Variants in R3HDM1 observed in about 807,000 individuals in gnomAD.
The protein encoded by R3HDM1 is R3H domain-containing protein 1.
Under a neutral mutation model 141.1 loss-of-function variants are expected in R3HDM1, and 46 were observed. The observed-to-expected ratio is 0.33, with a 90% CI of 0.26 to 0.42. R3HDM1 has a LOEUF of 0.42. Ranked by LOEUF, R3HDM1 falls within the 10% of genes least tolerant of loss-of-function variation. The pLI is 1.00. For missense variants in R3HDM1, 1,184 were observed against 1,368.3 expected (o/e 0.87, Z 2.12); for synonymous variants, 435 against 472.9 (o/e 0.92, Z 1.04).
intron 1 of R3HDM1, among the ~76,000 whole-genome samples, chr2:135,537,761 A>T (rs374513935): frequency 1.3e-5 from 2 of 151,782 alleles, no homozygotes; most frequent in African/African-American, 4.8e-5. Flanking sequence ...AGCTCAAGCA[A>T]TTCTCCTGCC....
Position 135,701,760 on chromosome 2 carries a change from A to T in R3HDM1, c.2460-7673A>T, listed in dbSNP as rs184043321. ...GCTACTCATAATGACATGCAATTTA[A>T]AACTTATAAAGTGTTTATTTCTGGC... On this transcript the variant is annotated intron_variant, in intron 21 of 26. Coordinates refer to ENST00000683871, the MANE Select transcript of R3HDM1 (RefSeq NM_001378107.1). Among the ~76,000 whole-genome samples the T allele has an allele frequency of 1.2e-4, 18 of 152,320 alleles. No homozygotes were observed. In the East Asian group the frequency reaches 3.5e-3, roughly 29 times the overall value.
intron 21 of R3HDM1, among the ~76,000 whole-genome samples, chr2:135,685,945 G>C (rs1414437522): frequency 6.6e-6 from 1 of 152,056 alleles, no homozygotes; most frequent in South Asian, 2.1e-4. Flanking sequence ...AAATTTGCCA[G>C]CTGTATATCT....
At chr2:135,675,513 G>C in intron 20 of R3HDM1, 27 bp downstream of exon 20, 3 of 1,574,618 alleles carry the variant, frequency 1.9e-6, no homozygotes, top group Non-Finnish European at 2.6e-6. Context: ...ATGTACTTTG[G>C]GTAGAGATGA....
At chr2:135,706,915 G>A (rs2075001655) in intron 21 of R3HDM1, among the ~76,000 whole-genome samples, 1 of 152,046 alleles carries the variant, frequency 6.6e-6, no homozygotes, top group African/African-American at 2.4e-5. Flanking sequence ...ACGGGGTGGT[G>A]GCCGGGCAGA....
chr2:135,610,699 C>T (rs1382926026), intron 3 of R3HDM1, among the ~76,000 whole-genome samples: 1 of 152,182 alleles, frequency 6.6e-6, no homozygotes, highest in East Asian at 1.9e-4. Flanking sequence ...AAACAATTAA[C>T]TTATTTCATT....
intron 18 of R3HDM1, among the ~76,000 whole-genome samples, chr2:135,653,782 G>A (rs1054843919): frequency 6.6e-6 from 1 of 152,138 alleles, no homozygotes; most frequent in African/African-American, 2.4e-5. Flanking sequence ...ACAAAAATTA[G>A]CTGGGTGTGG....
In R3HDM1 at chr2:135,718,064, G is replaced by A. The variant is rs189550345; in HGVS notation, c.2881+2370G>A. Among the ~76,000 whole-genome samples the A allele has an allele frequency of 3.3e-3, 495 of 152,194 alleles. 2 individuals carry two copies. The highest frequency in any genetic ancestry group is 3.8e-3 in the Non-Finnish European group (258 of 68,016). ...ACATGATGACTCTCCGGGTCACGACGTTAACCAAAAAATAAGACAAAAAGA... is the reference window on the plus strand; with the variant it reads ...ACATGATGACTCTCCGGGTCACGACATTAACCAAAAAATAAGACAAAAAGA... On this transcript the variant is annotated intron_variant, in intron 24 of 26. Coordinates refer to ENST00000683871, the MANE Select transcript of R3HDM1 (RefSeq NM_001378107.1).
At chr2:135,534,098 C>G (rs1208719798) in intron 1 of R3HDM1, 2 of 921,220 alleles carry the variant, frequency 2.2e-6, no homozygotes, top group Non-Finnish European at 2.6e-6. Flanking sequence ...CAGTTTGCGA[C>G]TAGTTATTTT....
At chr2:135,691,039 T>C (rs1191079069) in intron 21 of R3HDM1, among the ~76,000 whole-genome samples, 1 of 152,226 alleles carries the variant, frequency 6.6e-6, no homozygotes, top group African/African-American at 2.4e-5. Flanking sequence ...ATACTTCTCT[T>C]ATATCTGTAT....
In R3HDM1 at chr2:135,581,125, A is replaced by C. The variant is rs957166318; in HGVS notation, c.-249-21375A>C. ...AATTAGAAGGCAGCAGAACCATTTT[A>C]AAGGCTGGAGACCAGTAAGAAGCCT... is the stretch of plus-strand genomic sequence containing the variant. On this transcript the variant is annotated intron_variant, in intron 1 of 26. Coordinates refer to ENST00000683871, the MANE Select transcript of R3HDM1 (RefSeq NM_001378107.1). 5 of 920,454 alleles carry C rather than the reference A, an allele frequency of 5.4e-6. No individual in the cohort carries two copies. The Admixed American group carries it at 1.9e-4, about 34-fold the overall frequency. 57.0% of individuals were successfully genotyped at this position (920,454 alleles called of 1,614,324 possible). A position where few individuals can be genotyped will look rare whatever the true frequency, so the allele number is the denominator to read the frequency against.
chr2:135,710,832 T>C (rs999155715), intron 23 of R3HDM1, among the ~76,000 whole-genome samples: 1 of 152,238 alleles, frequency 6.6e-6, no homozygotes, highest in Non-Finnish European at 1.5e-5. Context: ...AAATAGTTGA[T>C]AAGGGAATGT....
At chr2:135,645,340 AT>A in intron 15 of R3HDM1, 38 bp from the exon 16 acceptor site, 5 of 1,541,994 alleles carry the variant, frequency 3.2e-6, no homozygotes, top group Non-Finnish European at 4.5e-6. Flanking sequence ...TTCCACCTGT[AT>A]TCTAAGTTAT....
At chr2:135,691,393 C>A (rs768237368) in intron 21 of R3HDM1, among the ~76,000 whole-genome samples, 2 of 152,136 alleles carry the variant, frequency 1.3e-5, no homozygotes, top group Non-Finnish European at 2.9e-5. Flanking sequence ...GTGAGTGGAT[C>A]GCTTGAGCTC....
In R3HDM1 at chr2:135,635,907, A is replaced by G. The variant is rs1394320738; in HGVS notation, c.716A>G (p.Asn239Ser). 3.1e-6 allele frequency: 5 copies of G among 1,597,082 alleles called. No individual in the cohort carries two copies. Among genetic ancestry groups the G allele is most frequent in the African/African-American group, 2.7e-5 (2 of 73,762 alleles). ...TTTTTAAGACCTGATCAGAAATTTA[A>G]TGAACATATTAAGGATGATAAAGGT... is the stretch of plus-strand genomic sequence containing the variant. Reference protein sequence around the residue: ...SNTRIPDQKFNEHIKDDKGED... With the variant: ...SNTRIPDQKFSEHIKDDKGED... Residue 239 changes from asparagine (N) to serine (S), a missense_variant, in exon 10 of 27, where the codon AAT (asparagine) becomes AGT (serine). By Grantham distance (46) the Asn-to-Ser change is conservative. Coordinates refer to ENST00000683871, the MANE Select transcript of R3HDM1 (RefSeq NM_001378107.1).
At chr2:135,666,689 A>C (rs2067549994) in intron 19 of R3HDM1, among the ~76,000 whole-genome samples, 1 of 152,146 alleles carries the variant, frequency 6.6e-6, no homozygotes, top group African/African-American at 2.4e-5. Context: ...TGTTTATTTC[A>C]GGCACAGGAG....
chr2:135,688,805 G>A (rs200138014), intron 21 of R3HDM1, among the ~76,000 whole-genome samples: 22 of 152,026 alleles, frequency 1.4e-4, no homozygotes, highest in South Asian at 4.2e-4. Flanking sequence ...GTGTGGTGGC[G>A]GGCACCTGTA....
Position 135,645,425 on chromosome 2 carries a change from T to G in R3HDM1, c.1521T>G (p.Pro507=). 1 of 1,612,772 alleles carries G rather than the reference T, an allele frequency of 6.2e-7. No individual in the cohort carries two copies. Among genetic ancestry groups the G allele is most frequent in the Non-Finnish European group, 8.5e-7 (1 of 1,178,822 alleles). Residue 507 remains proline, a synonymous_variant, in exon 16 of 27, where the codon CCT becomes CCG. Coordinates refer to ENST00000683871, the MANE Select transcript of R3HDM1 (RefSeq NM_001378107.1). ...ATGGGAGTCCAGTTGTGTATAATCC[T>G]CCTATGACTCAACAACCAGTTAGAT... is the stretch of plus-strand genomic sequence containing the variant. ...NPDGSPVVYN[P]PMTQQPVRSQ...
intron 7 of R3HDM1, 150 bp downstream of exon 7, chr2:135,622,882 G>T (rs536444478): frequency 1.8e-5 from 24 of 1,351,392 alleles, no homozygotes; most frequent in East Asian, 2.7e-5. Context: ...CAAAGATGTT[G>T]TTGGTCTAGT....
intron 19 of R3HDM1, chr2:135,670,517 A>G: frequency 1.5e-6 from 1 of 646,318 alleles, no homozygotes; most frequent in Non-Finnish European, 1.9e-6. Context: ...ATTATATGAA[A>G]AAAGATTTTG....
Sources: gnomAD v4.1 joint callset for allele counts (sites outside exome capture counted in the v4.1 genomes callset) on GRCh38, gnomAD v4.1.1 for gene constraint, MANE v1.5 for transcripts, NCBI Gene and HGNC (gene_info 2026-07-23, HGNC 2026-07-21) for gene names.